MAP2K5: variants seen among roughly 807,000 people sequenced by gnomAD.
The protein encoded by MAP2K5 is mitogen-activated protein kinase kinase 5.
MAP2K5 carries 49 observed loss-of-function variants against 83.1 expected under a neutral mutation model. The observed-to-expected ratio is 0.59, with a 90% CI of 0.47 to 0.75. MAP2K5 has a LOEUF of 0.75. Among genes scored for constraint, MAP2K5 ranks in the 30% least tolerant of loss-of-function variants. MAP2K5 has a pLI of 0.00. For synonymous variants in MAP2K5, 202 were observed against 191.8 expected (o/e 1.05, Z -0.44); for missense variants, 457 against 557.5 (o/e 0.82, Z 1.82).
chr15:67,655,618 T>C (rs1004184237), intron 11 of MAP2K5, among the ~76,000 whole-genome samples: 1 of 152,216 alleles, frequency 6.6e-6, no homozygotes, highest in Non-Finnish European at 1.5e-5. Context: ...GAAATGTCAC[T>C]TCTCTTGCTG....
At chr15:67,574,734 T>G (rs1407204521) in intron 3 of MAP2K5, among the ~76,000 whole-genome samples, 45 of 142,516 alleles carry the variant, frequency 3.2e-4, no homozygotes, top group African/African-American at 6.9e-4. Context: ...GGGCGTGGTG[T>G]CGGGCGCCTG....
intron 19 of MAP2K5, among the ~76,000 whole-genome samples, chr15:67,761,744 G>T (rs2089953212): frequency 6.6e-6 from 1 of 152,018 alleles, no homozygotes; most frequent in Non-Finnish European, 1.5e-5. Flanking sequence ...TCTATGAAAA[G>T]ATCAATTTTT....
chr15:67,754,573 A>G (rs1212266622), intron 19 of MAP2K5, among the ~76,000 whole-genome samples: 1 of 152,238 alleles, frequency 6.6e-6, no homozygotes, highest in African/African-American at 2.4e-5. Flanking sequence ...GTTAAAAACT[A>G]TAATAAAGCT....
intron 7 of MAP2K5, among the ~76,000 whole-genome samples, chr15:67,597,635 C>T (rs56264164): frequency 0.15 from 22,144 of 152,114 alleles, 2,074 homozygotes; most frequent in African/African-American, 0.25. Context: ...TTTGAAAAGT[C>T]GAATTAATAT....
chr15:67,650,510 G>A (rs544715651), intron 11 of MAP2K5, among the ~76,000 whole-genome samples: 52 of 46,838 alleles, frequency 1.1e-3, no homozygotes, highest in African/African-American at 3.6e-3. Context: ...TTTCTAGTTT[G>A]TTGAGTTTTT....
intron 8 of MAP2K5, among the ~76,000 whole-genome samples, chr15:67,629,915 T>G (rs1181457525): frequency 5.3e-5 from 8 of 152,152 alleles, no homozygotes; most frequent in Admixed American, 5.2e-4. Context: ...GAATATCTAG[T>G]CCCCACAGTA....
At chr15:67,548,661 G>A (rs2084444401) in intron 1 of MAP2K5, among the ~76,000 whole-genome samples, 1 of 152,276 alleles carries the variant, frequency 6.6e-6, no homozygotes, top group East Asian at 1.9e-4. Flanking sequence ...ATGTTTTCAG[G>A]CTTTCCACTG....
rs1196478482 is a variant in MAP2K5 at position 67,736,038 on chromosome 15, C to CTA, written c.1074+8094_1074+8095dup. 6.6e-6 allele frequency among the ~76,000 whole-genome samples: 1 copy of CTA among 152,168 alleles called. No individual in the cohort carries two copies. The highest frequency in any genetic ancestry group is 1.9e-4 in the East Asian group (1 of 5,194). On this transcript the variant is annotated intron_variant, in intron 17 of 21. Transcript: ENST00000178640. The surrounding 1 kb of genome is among the most constrained non-coding windows in gnomAD (Gnocchi z 4.3). ...GTGTTGTTCCGGTACTTTAACAGTA[C>CTA]TACCATTGTTACTTTCATTTCCCTA...
chr15:67,748,285 T>G lies in MAP2K5; in HGVS notation c.1101+28T>G. ...AAGCTTTATGAGTTCAGAAAAAAAT[T>G]CACTTTTCTTTTTCCTGATGGCTGC... On this transcript the variant is annotated intron_variant, in intron 18 of 21. Coordinates refer to ENST00000178640, the MANE Select transcript of MAP2K5 (RefSeq NM_145160.3). The surrounding 1 kb of genome is among the most constrained non-coding windows in gnomAD (Gnocchi z 4.0). 6.3e-7 allele frequency: 1 copy of G among 1,580,420 alleles called. No individual in the cohort carries two copies. The highest frequency in any genetic ancestry group is 8.7e-7 in the Non-Finnish European group (1 of 1,151,684).
intron 8 of MAP2K5, chr15:67,629,285 T>C (rs900995882): frequency 5.3e-6 from 3 of 568,950 alleles, no homozygotes; most frequent in African/African-American, 3.7e-5. Context: ...CAAATACTCA[T>C]GTGAATGGGC....
intron 15 of MAP2K5, among the ~76,000 whole-genome samples, chr15:67,696,127 CT>C (rs66634396): frequency 0.84 from 109,433 of 129,798 alleles, 46,086 homozygotes; most frequent in Middle Eastern, 0.91. Context: ...AAGAGCTGAG[CT>C]TTTTTTTTTT....
At chr15:67,752,866 C>A in intron 19 of MAP2K5, among the ~76,000 whole-genome samples, 1 of 143,876 alleles carries the variant, frequency 7.0e-6, no homozygotes, top group Admixed American at 7.0e-5. Context: ...CATGGAAATA[C>A]AAGGGACTCA....
chr15:67,748,416 T>C lies in MAP2K5; in HGVS notation c.1102-153T>C. 2 of 825,870 alleles carry C rather than the reference T, an allele frequency of 2.4e-6. No individual in the cohort carries two copies. The highest frequency in any genetic ancestry group is 3.9e-6 in the Non-Finnish European group (2 of 510,698). The allele number at this position is 825,870 out of a possible 1,614,324, so 51.2% of individuals were successfully genotyped here. A position where few individuals can be genotyped will look rare whatever the true frequency, so the allele number is the denominator to read the frequency against. On this transcript the variant is annotated intron_variant, in intron 18 of 21. Transcript: ENST00000178640. This position sits in a 1 kb window ranked among gnomAD's most constrained non-coding sequence, Gnocchi z 4.0. Reference sequence around the variant, plus strand: ...TTAGATTAGGTACCATTAGAAATAATAGAACCTCCTGAGCATCAATGTTTT... The same window carrying C: ...TTAGATTAGGTACCATTAGAAATAACAGAACCTCCTGAGCATCAATGTTTT...
At chr15:67,649,313 A>G (rs2086901941) in intron 11 of MAP2K5, among the ~76,000 whole-genome samples, 1 of 151,986 alleles carries the variant, frequency 6.6e-6, no homozygotes, top group African/African-American at 2.4e-5. Context: ...GGGATTTCCA[A>G]ATATTTTCAC....
At chr15:67,752,923 G>T (rs1415045747) in intron 19 of MAP2K5, among the ~76,000 whole-genome samples, 1 of 150,994 alleles carries the variant, frequency 6.6e-6, no homozygotes, top group Non-Finnish European at 1.5e-5. Flanking sequence ...AAACAATGTT[G>T]CAAGATTTAT....
intron 17 of MAP2K5, among the ~76,000 whole-genome samples, chr15:67,743,705 TGTATG>T (rs1484011937): frequency 1.3e-5 from 2 of 152,204 alleles, no homozygotes; most frequent in Non-Finnish European, 2.9e-5. Flanking sequence ...GATTGGAGGT[TGTATG>T]TCCCTAAGTT....
intron 21 of MAP2K5, among the ~76,000 whole-genome samples, chr15:67,805,277 C>T (rs1431091748): frequency 2.0e-5 from 3 of 152,206 alleles, no homozygotes; most frequent in Non-Finnish European, 4.4e-5. Context: ...TGGGGGCGGG[C>T]ACTGCATCAG....
At chr15:67,711,293 C>T (rs954200191) in intron 16 of MAP2K5, among the ~76,000 whole-genome samples, 1 of 152,132 alleles carries the variant, frequency 6.6e-6, no homozygotes, top group South Asian at 2.1e-4. Flanking sequence ...ATATAAATGC[C>T]CGTAAGTGTT....
intron 17 of MAP2K5, among the ~76,000 whole-genome samples, chr15:67,735,257 A>T (rs1435427177): frequency 6.6e-6 from 1 of 152,202 alleles, no homozygotes; most frequent in Admixed American, 6.5e-5. Flanking sequence ...AATGGAAGAG[A>T]CATCATCCCC....
Sources: allele counts gnomAD v4.1 joint callset (sites outside exome capture counted in the v4.1 genomes callset), GRCh38; gene constraint gnomAD v4.1.1; non-coding constraint Gnocchi (gnomAD v3.1); transcripts MANE v1.5; gene names NCBI Gene and HGNC (gene_info 2026-07-23, HGNC 2026-07-21).